GINS1: variants seen among roughly 807,000 people sequenced by gnomAD.
GINS1 encodes the protein DNA replication complex GINS protein PSF1.
A neutral mutation model predicts 34.9 loss-of-function variants in GINS1; 26 were observed. The ratio of observed to expected loss-of-function variants is 0.74; its 90% CI spans 0.55 to 1.03. The LOEUF (loss-of-function observed/expected upper bound fraction) is 1.03. Among genes scored for constraint, GINS1 ranks in the 50% least tolerant of loss-of-function variants. GINS1 has a pLI of 0.00. For missense variants in GINS1, 235 were observed against 237.9 expected, an observed-to-expected ratio of 0.99 and a Z score of 0.08; for synonymous variants, 97 against 84.4, an observed-to-expected ratio of 1.15 and a Z score of -0.82.
chr20:25,438,631 G>A (rs1226750746), intron 5 of GINS1, among the ~76,000 whole-genome samples: 1 of 146,900 alleles, frequency 6.8e-6, no homozygotes, highest in East Asian at 2.0e-4. Flanking sequence ...CTATTTTAGT[G>A]CAAGGAGTCC....
At chr20:25,420,567 A>G (rs6050602) in intron 4 of GINS1, among the ~76,000 whole-genome samples, 82,186 of 151,906 alleles carry the variant, frequency 0.54, 22,814 homozygotes, top group Admixed American at 0.61. Context: ...GACCTCATCT[A>G]TAAAAAGGAA....
rs143574141 is a variant in GINS1, at chr20:25,412,167, G to A, written c.76-1623G>A. On this transcript the variant is annotated intron_variant, in intron 1 of 6. Coordinates refer to ENST00000262460, the MANE Select transcript of GINS1 (RefSeq NM_021067.5). The stretch of plus-strand genomic sequence containing the variant: ...TATTTTTCCAAGGGAAAATTTGCCC[G>A]AAACTGGATACTAGAAAAACTCCTA... Among the ~76,000 whole-genome samples, 213 of 152,176 alleles carry A rather than the reference G, an allele frequency of 1.4e-3. 1 individual carries two copies. The highest frequency in any genetic ancestry group is 4.8e-3 in the African/African-American group (198 of 41,536).
At position 25,417,594 on chromosome 20, in the gene GINS1, G is replaced by T. The variant is rs147503763; in HGVS notation, c.239+392G>T. ...CCTTTGGCCAGGCACAGTGGCTCATGCCTATAATCCCAGCAATTTTGGAGG... is the reference window on the plus strand; with the variant it reads ...CCTTTGGCCAGGCACAGTGGCTCATTCCTATAATCCCAGCAATTTTGGAGG... On this transcript the variant is annotated intron_variant, in intron 3 of 6. Coordinates refer to ENST00000262460, the MANE Select transcript of GINS1 (RefSeq NM_021067.5). Among the ~76,000 whole-genome samples, 368 of 152,184 alleles carry T rather than the reference G, an allele frequency of 2.4e-3. 1 individual carries two copies. The highest frequency in any genetic ancestry group is 8.6e-3 in the African/African-American group (356 of 41,496).
At chr20:25,441,604 T>G in intron 5 of GINS1, 98 bp from the exon 6 acceptor site, 1 of 659,882 alleles carries the variant, frequency 1.5e-6, no homozygotes, top group Non-Finnish European at 2.7e-6. Flanking sequence ...ACAAACAAAG[T>G]CCTTATTGTC....
In GINS1 at chr20:25,407,701, C is replaced by A; in HGVS notation, c.-120C>A. On this transcript the variant is annotated 5_prime_UTR_variant, in exon 1 of 7. Transcript: ENST00000262460. ...CGGCGCCAAAGCGCGGAGCGGAGGC[C>A]GAGGCGAGAGCCTGGCGCTGTAGGA... The A allele has an allele frequency of 2.5e-6, 2 of 790,242 alleles. No individual in the cohort carries two copies. Among genetic ancestry groups the A allele is most frequent in the Non-Finnish European group, 4.2e-6 (2 of 472,542 alleles). 49.0% of individuals were successfully genotyped at this position (790,242 alleles called of 1,614,324 possible).
chr20:25,408,278 GT>G (rs1464222255), intron 1 of GINS1, among the ~76,000 whole-genome samples: 1 of 152,170 alleles, frequency 6.6e-6, no homozygotes, highest in East Asian at 1.9e-4. Context: ...CTTTGGGGCA[GT>G]TACTCAAGCT....
chr20:25,441,136 G>A (rs1001681412), intron 5 of GINS1, among the ~76,000 whole-genome samples: 2 of 152,114 alleles, frequency 1.3e-5, no homozygotes, highest in African/African-American at 4.8e-5. Context: ...CCTGTACCTG[G>A]GAACACCTTT....
intron 1 of GINS1, 147 bp downstream of exon 1, chr20:25,408,042 G>A: frequency 1.5e-6 from 1 of 655,662 alleles, no homozygotes; most frequent in Non-Finnish European, 2.8e-6. Flanking sequence ...AATTCAGGAG[G>A]AAAGAGAAAG....
chr20:25,418,320 G>A (rs1003211364), intron 4 of GINS1, 125 bp downstream of exon 4: 3 of 676,908 alleles, frequency 4.4e-6, no homozygotes, highest in Admixed American at 4.2e-5. Context: ...ATTTTTGGCT[G>A]GTATTTAGTA....
chr20:25,444,986 G>A (rs1178306698), intron 6 of GINS1, among the ~76,000 whole-genome samples: 1 of 152,190 alleles, frequency 6.6e-6, no homozygotes, highest in Non-Finnish European at 1.5e-5. Context: ...CTTCTTGATA[G>A]GCTGTTGAGC....
chr20:25,411,526 C>T (rs1046070898), intron 1 of GINS1, among the ~76,000 whole-genome samples: 7 of 152,030 alleles, frequency 4.6e-5, no homozygotes, highest in Non-Finnish European at 1.0e-4. Context: ...GGGCTGGACA[C>T]GGTGGCTCCT....
intron 2 of GINS1, among the ~76,000 whole-genome samples, chr20:25,416,261 A>C (rs922578858): frequency 3.9e-5 from 6 of 152,176 alleles, no homozygotes; most frequent in African/African-American, 1.4e-4. Context: ...CAGTAAGGGA[A>C]TGATTTTCTT....
chr20:25,428,658 C>G (rs1208470379), intron 5 of GINS1, among the ~76,000 whole-genome samples: 1 of 151,762 alleles, frequency 6.6e-6, no homozygotes. Context: ...CCCACCTCGG[C>G]CTCCCAAAGT....
At chr20:25,412,792 A>G (rs1200116277) in intron 1 of GINS1, among the ~76,000 whole-genome samples, 1 of 152,206 alleles carries the variant, frequency 6.6e-6, no homozygotes, top group Non-Finnish European at 1.5e-5. Flanking sequence ...ATAAATATAC[A>G]TACCTACTGT....
chr20:25,413,632 C>T lies in GINS1; in HGVS notation c.76-158C>T, dbSNP rs897627429. 10 of 597,698 alleles carry T rather than the reference C, an allele frequency of 1.7e-5. No homozygotes were observed. The African/African-American group carries it at 1.7e-4, about 10-fold the overall frequency. The allele number at this position is 597,698 out of a possible 1,614,324, so 37.0% of individuals were successfully genotyped here. Reference sequence around the variant, plus strand: ...TACGAGGGTTCCAGTTTCTCCGCATCTCACCAACACTTGTTATAACCATGC... The same window carrying T: ...TACGAGGGTTCCAGTTTCTCCGCATTTCACCAACACTTGTTATAACCATGC... On this transcript the variant is annotated intron_variant, in intron 1 of 6. Coordinates refer to ENST00000262460, the MANE Select transcript of GINS1 (RefSeq NM_021067.5).
intron 5 of GINS1, among the ~76,000 whole-genome samples, chr20:25,434,528 G>A (rs1367441532): frequency 6.6e-6 from 1 of 151,904 alleles, no homozygotes; most frequent in South Asian, 2.1e-4. Flanking sequence ...GTTCACTACA[G>A]CCTTGAACGC....
At chr20:25,435,764 C>CAAAAAA (rs1220652491) in intron 5 of GINS1, among the ~76,000 whole-genome samples, 3 of 60,764 alleles carry the variant, frequency 4.9e-5, no homozygotes, top group African/African-American at 2.1e-4. Context: ...GATTCCGTCT[C>CAAAAAA]AAAAAAAAAA....
intron 5 of GINS1, among the ~76,000 whole-genome samples, chr20:25,441,493 G>A (rs2090481847): frequency 6.6e-6 from 1 of 152,162 alleles, no homozygotes; most frequent in Non-Finnish European, 1.5e-5. Flanking sequence ...ACATTTACTA[G>A]CAGAGATTTT....
At chr20:25,420,033 T>C (rs1226695150) in intron 4 of GINS1, among the ~76,000 whole-genome samples, 1 of 152,172 alleles carries the variant, frequency 6.6e-6, no homozygotes, top group Non-Finnish European at 1.5e-5. Context: ...AGATTTCATA[T>C]TGGGCATTGT....
Sources: gnomAD v4.1 joint callset for allele counts (sites outside exome capture counted in the v4.1 genomes callset) on GRCh38, gnomAD v4.1.1 for gene constraint, MANE v1.5 for transcripts, NCBI Gene and HGNC (gene_info 2026-07-23, HGNC 2026-07-21) for gene names.